Variants in CDH18 observed in about 807,000 individuals in gnomAD.
The protein encoded by CDH18 is cadherin-18.
CDH18 carries 31 observed loss-of-function variants against 67.9 expected under a neutral mutation model. The observed-to-expected ratio is 0.46, with a 90% CI of 0.34 to 0.62. The LOEUF (loss-of-function observed/expected upper bound fraction) is 0.62. Ranked by LOEUF, CDH18 falls within the 20% of genes least tolerant of loss-of-function variation. CDH18 has a pLI of 0.01. For missense variants in CDH18, 890 were observed against 975.5 expected (o/e 0.91, Z 1.17); for synonymous variants, 362 against 347.2 (o/e 1.04, Z -0.48).
intron 8 of CDH18, among the ~76,000 whole-genome samples, chr5:19,567,560 G>A (rs1045895834): frequency 2.6e-5 from 4 of 152,198 alleles, no homozygotes; most frequent in Non-Finnish European, 5.9e-5. Context: ...GTATAGGCTT[G>A]CTTTTGTTTT....
Position 20,146,056 on chromosome 5 carries a change from C to G in CDH18, c.-518+109388G>C, listed in dbSNP as rs540012329. On this transcript the variant is annotated intron_variant, in intron 2 of 14. Transcript: ENST00000507958. ...GTTGCATTTCCTCATTCAGGACAACCTCATTCTCATCTTAGGGCATCTAGT... is the reference window on the plus strand; with the variant it reads ...GTTGCATTTCCTCATTCAGGACAACGTCATTCTCATCTTAGGGCATCTAGT... Among the ~76,000 whole-genome samples the G allele has an allele frequency of 2.6e-5, 4 of 152,248 alleles. No individual in the cohort carries two copies. The South Asian group carries it at 8.3e-4, about 32-fold the overall frequency.
At chr5:20,269,497 A>T (rs540822267) in intron 1 of CDH18, among the ~76,000 whole-genome samples, 2 of 152,158 alleles carry the variant, frequency 1.3e-5, no homozygotes, top group Non-Finnish European at 2.9e-5. Context: ...TTAAATAGAT[A>T]AAGAAAATAC....
chr5:20,415,735 G>A (rs1190542891), intron 1 of CDH18, among the ~76,000 whole-genome samples: 1 of 151,868 alleles, frequency 6.6e-6, no homozygotes, highest in Non-Finnish European at 1.5e-5. Context: ...TTGCGCCACT[G>A]CTCTCACTCC....
intron 2 of CDH18, among the ~76,000 whole-genome samples, chr5:20,088,755 C>A (rs1329870800): frequency 6.6e-6 from 1 of 152,122 alleles, no homozygotes; most frequent in African/African-American, 2.4e-5. Context: ...TAGCTGAAAG[C>A]ATGCTAACAA....
intron 1 of CDH18, among the ~76,000 whole-genome samples, chr5:20,480,904 A>C (rs1177082029): frequency 6.6e-6 from 1 of 152,220 alleles, no homozygotes; most frequent in African/African-American, 2.4e-5. Flanking sequence ...CCATTGAAGA[A>C]AATCATATTC....
intron 2 of CDH18, among the ~76,000 whole-genome samples, chr5:20,169,303 T>C (rs1339055471): frequency 1.3e-5 from 2 of 151,974 alleles, no homozygotes; most frequent in African/African-American, 4.8e-5. Flanking sequence ...AAATAAAAAA[T>C]AACAGACACC....
At chr5:19,741,107 T>A in intron 4 of CDH18, among the ~76,000 whole-genome samples, 1 of 146,682 alleles carries the variant, frequency 6.8e-6, no homozygotes, top group South Asian at 2.2e-4. Flanking sequence ...CGTATATATA[T>A]ACTTATCTAT....
chr5:19,705,485 C>CA (rs1763836462), intron 5 of CDH18, among the ~76,000 whole-genome samples: 1 of 152,126 alleles, frequency 6.6e-6, no homozygotes, highest in East Asian at 1.9e-4. Context: ...TTGCCCTCAA[C>CA]AATTAACAAA....
intron 6 of CDH18, among the ~76,000 whole-genome samples, chr5:19,611,657 G>C (rs1308532405): frequency 6.6e-6 from 1 of 152,120 alleles, no homozygotes; most frequent in Non-Finnish European, 1.5e-5. Context: ...GACATCATTT[G>C]TAAGAGGAAC....
chr5:19,834,177 C>G (rs1581562784), intron 3 of CDH18, among the ~76,000 whole-genome samples: 1 of 147,032 alleles, frequency 6.8e-6, no homozygotes, highest in Non-Finnish European at 1.5e-5. Flanking sequence ...TATTGGTAGG[C>G]TATTAGTTAC....
intron 11 of CDH18, among the ~76,000 whole-genome samples, chr5:19,487,562 G>A (rs190628031): frequency 6.6e-6 from 1 of 152,016 alleles, no homozygotes; most frequent in Non-Finnish European, 1.5e-5. Context: ...AGAAAATTTT[G>A]GAAAACTTTT....
At chr5:20,015,662 G>C (rs1390520913) in intron 2 of CDH18, among the ~76,000 whole-genome samples, 1 of 152,124 alleles carries the variant, frequency 6.6e-6, no homozygotes, top group Non-Finnish European at 1.5e-5. Flanking sequence ...ACAGGGTAGA[G>C]AGCTGAATTG....
In CDH18 at chr5:19,933,567, C is replaced by T. The variant is rs1050639342; in HGVS notation, c.-257+47493G>A. ...TTAGTATCTCAATTTTTCTCTTTTG[C>T]ACCAATTTTAATCAGTATTTTGCCA... is the stretch of plus-strand genomic sequence containing the variant. On this transcript the variant is annotated intron_variant, in intron 2 of 12. Coordinates refer to ENST00000382275, the MANE Select transcript of CDH18 (RefSeq NM_004934.5). Among the ~76,000 whole-genome samples, 33 of 151,404 alleles carry T rather than the reference C, an allele frequency of 2.2e-4. 1 individual carries two copies. Among genetic ancestry groups the T allele is most frequent in the Admixed American group, 4.6e-4 (7 of 15,118 alleles).
intron 3 of CDH18, among the ~76,000 whole-genome samples, chr5:19,750,761 C>G (rs1260940063): frequency 5.4e-3 from 7 of 1,286 alleles, no homozygotes; most frequent in African/African-American, 7.0e-3. Context: ...TACAGTGAAG[C>G]CCCCCCCCCC....
At chr5:19,614,600 G>A (rs1329829006) in intron 5 of CDH18, among the ~76,000 whole-genome samples, 2 of 151,988 alleles carry the variant, frequency 1.3e-5, no homozygotes, top group East Asian at 1.9e-4. Flanking sequence ...TTATAAATAG[G>A]ACTTGTCTTT....
intron 2 of CDH18, among the ~76,000 whole-genome samples, chr5:20,144,112 A>C (rs1750454916): frequency 6.6e-6 from 1 of 152,204 alleles, no homozygotes; most frequent in Non-Finnish European, 1.5e-5. Context: ...GAACAGAATC[A>C]GTGAAGGAAA....
At chr5:20,045,595 G>A (rs985327509) in intron 2 of CDH18, among the ~76,000 whole-genome samples, 5 of 149,578 alleles carry the variant, frequency 3.3e-5, no homozygotes, top group Non-Finnish European at 7.4e-5. Flanking sequence ...ATATATATAT[G>A]AAAAAATATG....
intron 1 of CDH18, among the ~76,000 whole-genome samples, chr5:20,523,822 G>A (rs1301874930): frequency 9.2e-5 from 14 of 152,166 alleles, no homozygotes; most frequent in Admixed American, 9.2e-4. Context: ...TTACAGGCAT[G>A]AGCCAGTGCA....
At chr5:19,814,954 C>T (rs1457634837) in intron 3 of CDH18, among the ~76,000 whole-genome samples, 2 of 151,694 alleles carry the variant, frequency 1.3e-5, no homozygotes, top group African/African-American at 2.4e-5. Flanking sequence ...ACACTGTGCC[C>T]ATAATGTGTA....
Sources: allele counts gnomAD v4.1 joint callset (sites outside exome capture counted in the v4.1 genomes callset), GRCh38; gene constraint gnomAD v4.1.1; transcripts MANE v1.5; gene names NCBI Gene and HGNC (gene_info 2026-07-23, HGNC 2026-07-21).